Variants in LEMD1 observed in about 807,000 individuals in gnomAD.
LEMD1 encodes the protein LEM domain-containing protein 1.
A neutral mutation model predicts 17.4 loss-of-function variants in LEMD1; 18 were observed. That is an observed-to-expected ratio of 1.04 (90% CI 0.72 to 1.54). The LOEUF (loss-of-function observed/expected upper bound fraction) is 1.54. LEMD1 is among the 40% of genes most tolerant of loss of function. The pLI is 0.00. For missense variants in LEMD1, 195 were observed against 210.4 expected (o/e 0.93, Z 0.45); for synonymous variants, 88 against 77.8 (o/e 1.13, Z -0.69).
At chr1:205,406,777 C>G (rs551502823) in intron 4 of LEMD1, among the ~76,000 whole-genome samples, 1 of 152,132 alleles carries the variant, frequency 6.6e-6, no homozygotes, top group Non-Finnish European at 1.5e-5. Context: ...ATGGAAATGC[C>G]GAAATCACAG....
At chr1:205,407,534 C>T (rs1484738154) in intron 4 of LEMD1, among the ~76,000 whole-genome samples, 1 of 152,102 alleles carries the variant, frequency 6.6e-6, no homozygotes, top group Non-Finnish European at 1.5e-5. Context: ...ACTTAGAGGG[C>T]AGCGCGCCCA....
At chr1:205,439,961 G>A (rs556720428) in intron 1 of LEMD1, among the ~76,000 whole-genome samples, 17 of 152,198 alleles carry the variant, frequency 1.1e-4, no homozygotes, top group Admixed American at 2.6e-4. Flanking sequence ...GAAGGTTGGC[G>A]GGGGTGGGGG....
chr1:205,445,667 C>T (rs1194100681), intron 1 of LEMD1, among the ~76,000 whole-genome samples: 1 of 152,208 alleles, frequency 6.6e-6, no homozygotes, highest in African/African-American at 2.4e-5. Context: ...GAGGTCAGAG[C>T]AGCAATAGTC....
At chr1:205,429,435 A>G (rs537428539) in intron 1 of LEMD1, among the ~76,000 whole-genome samples, 1 of 152,326 alleles carries the variant, frequency 6.6e-6, no homozygotes, top group South Asian at 2.1e-4. Flanking sequence ...TGTGTCAGGC[A>G]GATATGAGGG....
intron 4 of LEMD1, among the ~76,000 whole-genome samples, chr1:205,400,843 T>TCCCCC (rs58251224): frequency 4.4e-4 from 35 of 79,680 alleles, no homozygotes; most frequent in Non-Finnish European, 6.3e-4. Context: ...ATGCTATCCC[T>TCCCCC]CCCCCCCCCC....
chr1:205,406,067 T>G (rs947773122), intron 4 of LEMD1, among the ~76,000 whole-genome samples: 14 of 152,346 alleles, frequency 9.2e-5, no homozygotes, highest in Non-Finnish European at 1.8e-4. Flanking sequence ...TCTGGAAGTT[T>G]TGTCTCAGAG....
At chr1:205,405,625 A>G (rs1417871036) in intron 4 of LEMD1, among the ~76,000 whole-genome samples, 1 of 151,550 alleles carries the variant, frequency 6.6e-6, no homozygotes. Context: ...CAAAGTTTTC[A>G]ACTTCTTTGC....
At chr1:205,414,759 G>A (rs1665614107) in intron 4 of LEMD1, among the ~76,000 whole-genome samples, 1 of 152,066 alleles carries the variant, frequency 6.6e-6, no homozygotes, top group Admixed American at 6.5e-5. Context: ...GTGGTGGAGT[G>A]TACCTGTAGT....
intron 4 of LEMD1, among the ~76,000 whole-genome samples, chr1:205,401,046 A>C (rs1280987142): frequency 6.6e-6 from 1 of 151,488 alleles, no homozygotes; most frequent in Non-Finnish European, 1.5e-5. Context: ...TTATGGCTGC[A>C]TAGTATTCCA....
At chr1:205,431,628 G>A (rs1006612237) in intron 1 of LEMD1, among the ~76,000 whole-genome samples, 1 of 152,180 alleles carries the variant, frequency 6.6e-6, no homozygotes, top group East Asian at 1.9e-4. Context: ...GGGAAACTGA[G>A]GTCCAGACAA....
intron 3 of LEMD1, among the ~76,000 whole-genome samples, chr1:205,416,671 G>T (rs1471720060): frequency 3.3e-5 from 5 of 152,252 alleles, no homozygotes; most frequent in African/African-American, 4.8e-5. Context: ...ATCCAAAAAG[G>T]CACCCAGGGA....
At chr1:205,424,809 T>G (rs1666034101), upstream of LEMD1, among the ~76,000 whole-genome samples, 1 of 152,188 alleles carries the variant, frequency 6.6e-6, no homozygotes, top group African/African-American at 2.4e-5. Context: ...GGGCTCTGCC[T>G]TCACCTCTGG....
chr1:205,421,341 T>A (rs949358321), intron 1 of LEMD1, among the ~76,000 whole-genome samples: 2 of 152,192 alleles, frequency 1.3e-5, no homozygotes, highest in Non-Finnish European at 2.9e-5. Flanking sequence ...TTGTCAAACC[T>A]TTTAAAGGAG....
chr1:205,430,277 C>G (rs1351925426), intron 1 of LEMD1, among the ~76,000 whole-genome samples: 3 of 152,226 alleles, frequency 2.0e-5, no homozygotes, highest in Non-Finnish European at 4.4e-5. Context: ...AAGCCCCCAG[C>G]TCCTTCCCTC....
chr1:205,446,607 C>T (rs1270446209), intron 1 of LEMD1, among the ~76,000 whole-genome samples: 1 of 152,172 alleles, frequency 6.6e-6, no homozygotes, highest in East Asian at 1.9e-4. Flanking sequence ...TGGCATGGCT[C>T]TAACCTGGCT....
chr1:205,449,560 A>AT (rs1024498507), intron 1 of LEMD1, among the ~76,000 whole-genome samples: 1 of 152,126 alleles, frequency 6.6e-6, no homozygotes, highest in Non-Finnish European at 1.5e-5. Flanking sequence ...GGAATCCTGC[A>AT]TTCCCCAACA....
At chr1:205,385,232 G>C (rs1223416088) in intron 4 of LEMD1, 1 of 152,182 alleles carries the variant, frequency 6.6e-6, no homozygotes, top group African/African-American at 2.4e-5. Context: ...TTTGGAGACA[G>C]AGTCACCCAG....
chr1:205,394,242 G>A (rs951904818), intron 4 of LEMD1, among the ~76,000 whole-genome samples: 2 of 152,018 alleles, frequency 1.3e-5, no homozygotes, highest in Admixed American at 6.6e-5. Context: ...GCGGGTAACC[G>A]CTTAATGGGT....
At chr1:205,391,469 A>G (rs986631287) in intron 4 of LEMD1, among the ~76,000 whole-genome samples, 5 of 152,188 alleles carry the variant, frequency 3.3e-5, no homozygotes, top group East Asian at 1.9e-4. Flanking sequence ...GCCAAAAGAC[A>G]AGGAAAAGGG....
Sources: gnomAD v4.1 joint callset for allele counts (sites outside exome capture counted in the v4.1 genomes callset) on GRCh38, gnomAD v4.1.1 for gene constraint, MANE v1.5 for transcripts, NCBI Gene and HGNC (gene_info 2026-07-23, HGNC 2026-07-21) for gene names.